Variants in MIS18A observed in about 807,000 individuals in gnomAD.
The protein encoded by MIS18A is protein Mis18-alpha.
Under a neutral mutation model 25.0 loss-of-function variants are expected in MIS18A, and 14 were observed. The observed-to-expected ratio is 0.56, with a 90% CI of 0.37 to 0.88. The LOEUF (loss-of-function observed/expected upper bound fraction) is 0.88, where lower values mean the gene tolerates loss of function less well. Ranked by LOEUF, MIS18A falls within the 40% of genes least tolerant of loss-of-function variation. The probability of loss-of-function intolerance (pLI) is 0.00; values close to 1 mark genes in which losing one functional copy is unlikely to be tolerated. For missense variants in MIS18A, 292 were observed against 290.8 expected, an observed-to-expected ratio of 1.00 and a Z score of -0.03; for synonymous variants, 134 against 118.6, an observed-to-expected ratio of 1.13 and a Z score of -0.84.
At chr21:32,170,724 A>G in the MIS18A span, among the ~76,000 whole-genome samples, 448 of 152,212 alleles carry the variant, frequency 2.9e-3, 2 homozygotes, top group African/African-American at 0.01. Flanking sequence ...TAGATATAGA[A>G]TAATGTCAAT....
the MIS18A span, among the ~76,000 whole-genome samples, chr21:32,241,807 A>G: frequency 1.3e-5 from 2 of 152,240 alleles, no homozygotes; most frequent in Non-Finnish European, 2.9e-5. Context: ...TTCTTGTCCC[A>G]CAGAAGACTC....
chr21:32,222,361 C>T, the MIS18A span, among the ~76,000 whole-genome samples: 4 of 152,284 alleles, frequency 2.6e-5, no homozygotes, highest in East Asian at 5.8e-4. Context: ...TAGCACCCCA[C>T]TAACAATATT....
chr21:32,176,752 C>T, the MIS18A span, among the ~76,000 whole-genome samples: 6 of 151,212 alleles, frequency 4.0e-5, no homozygotes, highest in Non-Finnish European at 7.4e-5. Flanking sequence ...AGAAGAAAAG[C>T]GTATAACAAC....
downstream of MIS18A, among the ~76,000 whole-genome samples, chr21:32,264,552 T>C (rs2031559269): frequency 1.3e-5 from 2 of 152,234 alleles, no homozygotes; most frequent in African/African-American, 4.8e-5. Flanking sequence ...CAGGTTATTA[T>C]ACTTTCATTA....
the MIS18A span, among the ~76,000 whole-genome samples, chr21:32,227,145 G>C: frequency 6.6e-6 from 1 of 151,692 alleles, no homozygotes; most frequent in East Asian, 1.9e-4. Flanking sequence ...ATAACCACTG[G>C]CTACCTTAAG....
chr21:32,204,143 A>G, the MIS18A span, among the ~76,000 whole-genome samples: 1 of 152,182 alleles, frequency 6.6e-6, no homozygotes, highest in Admixed American at 6.5e-5. Context: ...CATATTGCAC[A>G]TTTGTAAAAT....
chr21:32,206,112 A>T, the MIS18A span, among the ~76,000 whole-genome samples: 8 of 152,188 alleles, frequency 5.3e-5, no homozygotes, highest in Admixed American at 4.6e-4. Context: ...GACCCCTCTC[A>T]TGTGGTCCCA....
At chr21:32,226,740 A>G in the MIS18A span, among the ~76,000 whole-genome samples, 1 of 152,216 alleles carries the variant, frequency 6.6e-6, no homozygotes, top group African/African-American at 2.4e-5. Context: ...GAACAGTACT[A>G]TGAACCAACT....
At chr21:32,257,454 G>T in the MIS18A span, among the ~76,000 whole-genome samples, 1 of 152,204 alleles carries the variant, frequency 6.6e-6, no homozygotes, top group African/African-American at 2.4e-5. Context: ...GCAAATGTGG[G>T]CGGCTCTTCT....
the MIS18A span, among the ~76,000 whole-genome samples, chr21:32,204,371 C>A: frequency 6.6e-6 from 1 of 152,044 alleles, no homozygotes; most frequent in Non-Finnish European, 1.5e-5. Flanking sequence ...GTGGCAGGCG[C>A]CTGTAATCCC....
the MIS18A span, among the ~76,000 whole-genome samples, chr21:32,181,328 G>A: frequency 1.2e-4 from 19 of 152,218 alleles, no homozygotes; most frequent in East Asian, 1.9e-4. Flanking sequence ...GTAGTAGATC[G>A]TAGGACTCTT....
At chr21:32,162,812 A>G in the MIS18A span, among the ~76,000 whole-genome samples, 1 of 152,350 alleles carries the variant, frequency 6.6e-6, no homozygotes, top group South Asian at 2.1e-4. Flanking sequence ...AGTGAACTGA[A>G]TGCTGCCTCC....
chr21:32,201,647 CCT>C, the MIS18A span, among the ~76,000 whole-genome samples: 2 of 151,898 alleles, frequency 1.3e-5, no homozygotes, highest in African/African-American at 2.4e-5. Context: ...ATAGTGAGCC[CCT>C]GTTTCTACAT....
At chr21:32,242,671 C>T in the MIS18A span, among the ~76,000 whole-genome samples, 1 of 152,012 alleles carries the variant, frequency 6.6e-6, no homozygotes, top group African/African-American at 2.4e-5. Flanking sequence ...TTTTTCCCCA[C>T]AAATATGATT....
chr21:32,238,276 G>T, the MIS18A span, among the ~76,000 whole-genome samples: 3 of 152,160 alleles, frequency 2.0e-5, no homozygotes, highest in Non-Finnish European at 4.4e-5. Context: ...AGGTTGTGCT[G>T]CAGTGACAAT....
At chr21:32,191,117 G>A in the MIS18A span, among the ~76,000 whole-genome samples, 2 of 152,206 alleles carry the variant, frequency 1.3e-5, no homozygotes, top group Non-Finnish European at 2.9e-5. Flanking sequence ...TGCACTTCCA[G>A]TCAGCACCTG....
At chr21:32,182,408 C>T in the MIS18A span, among the ~76,000 whole-genome samples, 2 of 152,196 alleles carry the variant, frequency 1.3e-5, no homozygotes, top group Non-Finnish European at 2.9e-5. Context: ...ATCCCCCCCA[C>T]AAACACACAC....
At chr21:32,164,215 T>G in the MIS18A span, among the ~76,000 whole-genome samples, 6 of 152,190 alleles carry the variant, frequency 3.9e-5, no homozygotes, top group African/African-American at 1.4e-4. Flanking sequence ...ACCATAGCAG[T>G]GGTCAACAAG....
chr21:32,182,875 T>C, the MIS18A span, among the ~76,000 whole-genome samples: 1 of 152,186 alleles, frequency 6.6e-6, no homozygotes, highest in Non-Finnish European at 1.5e-5. Flanking sequence ...AGTTACTGTA[T>C]GTTTGAAAGA....
Sources: allele counts gnomAD v4.1 joint callset (sites outside exome capture counted in the v4.1 genomes callset), GRCh38; gene constraint gnomAD v4.1.1; transcripts MANE v1.5; gene names NCBI Gene and HGNC (gene_info 2026-07-23, HGNC 2026-07-21).